The following KIF2C variants were observed in gnomAD, a reference collection of about 807,000 sequenced individuals.
KIF2C encodes the protein kinesin family member 2C, also known as kinesin-like protein KIF2C.
In KIF2C, 34 loss-of-function variants were observed where a neutral mutation model predicts 97.4. The observed-to-expected ratio is 0.35, with a 90% CI of 0.27 to 0.46. The LOEUF is 0.46. KIF2C is among the 20% of genes least tolerant of loss of function. The pLI is 1.00. For synonymous variants in KIF2C, 313 were observed against 318.2 expected (o/e 0.98, Z 0.17); for missense variants, 750 against 907.6 (o/e 0.83, Z 2.23).
At chr1:44,766,410 G>A (rs904004528) in intron 19 of KIF2C, among the ~76,000 whole-genome samples, 40 of 151,998 alleles carry the variant, frequency 2.6e-4, no homozygotes, top group African/African-American at 9.4e-4. Context: ...TCGAGAGTTC[G>A]AGATCAGCCT....
Position 44,767,295 on chromosome 1 carries a change from A to G in KIF2C, c.*116A>G, listed in dbSNP as rs575741072. On this transcript the variant is annotated 3_prime_UTR_variant, in exon 21 of 21. Coordinates refer to ENST00000372224, the MANE Select transcript of KIF2C (RefSeq NM_006845.4). ...GGTCTGAGCTGGGACAGGTTCTGGTAAATGCCAAGTATGGGGGCATCTGGG... is the reference window on the plus strand; with the variant it reads ...GGTCTGAGCTGGGACAGGTTCTGGTGAATGCCAAGTATGGGGGCATCTGGG... 6 of 848,990 alleles carry G rather than the reference A, an allele frequency of 7.1e-6. No individual in the cohort carries two copies. Among genetic ancestry groups the G allele is most frequent in the Non-Finnish European group, 1.1e-5 (6 of 527,386 alleles). 52.6% of individuals were successfully genotyped at this position (848,990 alleles called of 1,614,324 possible).
intron 13 of KIF2C, 109 bp downstream of exon 13, chr1:44,758,249 A>G (rs1275865384): frequency 1.1e-6 from 1 of 877,906 alleles, no homozygotes; most frequent in Non-Finnish European, 1.8e-6. Flanking sequence ...TTAGCTGTCA[A>G]GCCACTGATG....
In KIF2C at chr1:44,756,183, C is replaced by T. The variant is rs757001275; in HGVS notation, c.923C>T (p.Ala308Val). 3.7e-6 allele frequency: 6 copies of T among 1,614,234 alleles called. No homozygotes were observed. The highest frequency in any genetic ancestry group is 5.1e-6 in the Non-Finnish European group (6 of 1,180,028). The part of the protein sequence containing the change: ...VDLTKYLENQ[A>V]FCFDFAFDET... Reference sequence around the variant, plus strand: ...TTAACAAAGTATCTGGAGAACCAAGCATTCTGCTTTGACTTTGCATTTGAT... The same window carrying T: ...TTAACAAAGTATCTGGAGAACCAAGTATTCTGCTTTGACTTTGCATTTGAT... Residue 308 changes from alanine to valine, a missense_variant, in exon 10 of 21, where the codon GCA (alanine) becomes GTA (valine). Physicochemically the swap from Ala to Val is moderately conservative, Grantham distance 64. Transcript: ENST00000372224.
At chr1:44,748,666 A>G (rs1282101051) in intron 4 of KIF2C, among the ~76,000 whole-genome samples, 5 of 150,834 alleles carry the variant, frequency 3.3e-5, no homozygotes, top group African/African-American at 4.9e-5. Flanking sequence ...TCAGCCTCCC[A>G]TGTAGCTGGG....
chr1:44,766,981 G>A, intron 20 of KIF2C, 32 bp downstream of exon 20: 5 of 1,613,512 alleles, frequency 3.1e-6, no homozygotes, highest in Non-Finnish European at 4.2e-6. Flanking sequence ...GCAGGTGGAC[G>A]ATGGTGGCCT....
At chr1:44,756,878 C>T (rs1649871040) in intron 10 of KIF2C, among the ~76,000 whole-genome samples, 1 of 151,012 alleles carries the variant, frequency 6.6e-6, no homozygotes, top group Non-Finnish European at 1.5e-5. Flanking sequence ...TAATACAGCA[C>T]CCAGTACCCT....
chr1:44,757,461 G>A, intron 10 of KIF2C, 95 bp from the exon 11 acceptor site: 1 of 804,176 alleles, frequency 1.2e-6, no homozygotes, highest in Admixed American at 1.9e-5. Context: ...TTAGAAGGAG[G>A]AATCGACCCT....
At chr1:44,750,624 C>G (rs760911788) in intron 5 of KIF2C, 60 bp downstream of exon 5, 22 of 1,394,916 alleles carry the variant, frequency 1.6e-5, no homozygotes, top group Admixed American at 2.4e-5. Context: ...ATTGCTTGGT[C>G]CCTGTGCTAG....
chr1:44,764,215 A>G (rs1042815720), intron 19 of KIF2C, among the ~76,000 whole-genome samples: 9 of 152,006 alleles, frequency 5.9e-5, no homozygotes, highest in African/African-American at 2.2e-4. Flanking sequence ...CTCACTCGTC[A>G]CCCAGGCTGG....
rs547590594 is a variant in KIF2C at position 44,767,589 on chromosome 1, C to T, written c.*410C>T. 41 of 181,226 alleles carry T rather than the reference C, an allele frequency of 2.3e-4. No individual in the cohort carries two copies. Among genetic ancestry groups the T allele is most frequent in the African/African-American group, 9.2e-4 (39 of 42,456 alleles). The allele number at this position is 181,226 out of a possible 1,614,324, so 11.2% of individuals were successfully genotyped here. A position where few individuals can be genotyped will look rare whatever the true frequency, so the allele number is the denominator to read the frequency against. On this transcript the variant is annotated 3_prime_UTR_variant, in exon 21 of 21. Coordinates refer to ENST00000372224, the MANE Select transcript of KIF2C (RefSeq NM_006845.4). ...CTATCTGCTGGCTCTAAACCTTCTA[C>T]GCCTTTGGGCCGAGCACTGAATGTC...
chr1:44,753,957 T>A (rs1464538924), intron 7 of KIF2C, 124 bp downstream of exon 7: 2 of 292,188 alleles, frequency 6.8e-6, no homozygotes, highest in Non-Finnish European at 6.4e-6. Context: ...AGGCCCCAAT[T>A]CTTTTTTTTT....
At chr1:44,747,319 A>T in intron 2 of KIF2C, 65 bp from the exon 3 acceptor site, 1 of 1,410,646 alleles carries the variant, frequency 7.1e-7, no homozygotes, top group Non-Finnish European at 9.8e-7. Context: ...AAAAAAAAAA[A>T]AAAGAAAAAA....
In KIF2C at chr1:44,757,644, C is replaced by T. The variant is rs765241322; in HGVS notation, c.1066C>T (p.His356Tyr). ...AYGQTGSGKTHTMGGDLSGKA... is the reference protein window; with the variant it reads ...AYGQTGSGKTYTMGGDLSGKA... ...TGGCCAGACAGGAAGTGGCAAGACACATGTGAGTATTGAGGCCTGGCGGGG... is the reference window on the plus strand; with the variant it reads ...TGGCCAGACAGGAAGTGGCAAGACATATGTGAGTATTGAGGCCTGGCGGGG... The change falls in exon 11 of 21, where the codon CAT becomes TAT. Residue 356 changes from histidine (H) to tyrosine (Y), a missense_variant and splice_region_variant. Coordinates refer to ENST00000372224, the MANE Select transcript of KIF2C (RefSeq NM_006845.4). 6.8e-6 allele frequency: 11 copies of T among 1,606,988 alleles called. No homozygotes were observed. Among genetic ancestry groups the T allele is most frequent in the Non-Finnish European group, 9.4e-6 (11 of 1,173,514 alleles).
Position 44,756,214 on chromosome 1 carries a change from A to G in KIF2C, c.954A>G (p.Thr318=). The G allele has an allele frequency of 1.2e-6, 2 of 1,614,244 alleles. No homozygotes were observed. The highest frequency in any genetic ancestry group is 1.1e-5 in the South Asian group (1 of 91,088). ...AFCFDFAFDE[T]ASNEVVYRFT... The stretch of plus-strand genomic sequence containing the variant: ...GCTTTGACTTTGCATTTGATGAAAC[A>G]GCTTCGAATGAAGTTGTCTACAGGT... Residue 318 remains threonine (T), a synonymous_variant, in exon 10 of 21, where the codon ACA becomes ACG. Transcript: ENST00000372224.
rs533024792 is a variant in KIF2C, at chr1:44,747,563, C to A, written c.267+78C>A. Reference sequence around the variant, plus strand: ...TATTGACTCTTTGCTGATTGATTGTCTGGCATTTTAGCATAGTACATGGGC... The same window carrying A: ...TATTGACTCTTTGCTGATTGATTGTATGGCATTTTAGCATAGTACATGGGC... On this transcript the variant is annotated intron_variant, in intron 3 of 20. Transcript: ENST00000372224. The A allele has an allele frequency of 1.9e-4, 302 of 1,567,848 alleles. 1 individual carries two copies. Among genetic ancestry groups the A allele is most frequent in the Non-Finnish European group, 2.5e-4 (285 of 1,146,264 alleles).
chr1:44,742,735 AAAC>A (rs1229808814), intron 2 of KIF2C, among the ~76,000 whole-genome samples: 17 of 151,480 alleles, frequency 1.1e-4, no homozygotes, highest in Non-Finnish European at 2.4e-4. Context: ...AAAAAAAAAA[AAAC>A]AAACTGCACA....
At chr1:44,752,763 G>A (rs1649596314) in intron 5 of KIF2C, among the ~76,000 whole-genome samples, 1 of 152,068 alleles carries the variant, frequency 6.6e-6, no homozygotes, top group Admixed American at 6.6e-5. Context: ...TAACCACCTG[G>A]GTTCCTGAGG....
At chr1:44,762,719 C>T (rs1309995274) in intron 19 of KIF2C, 61 bp downstream of exon 19, 1 of 1,085,586 alleles carries the variant, frequency 9.2e-7, no homozygotes, top group Non-Finnish European at 1.4e-6. Context: ...TGCTCCACAC[C>T]ATTCCCAGAA....
rs991282355 is a variant in KIF2C at position 44,740,134 on chromosome 1, C to G, written c.70+132C>G. 6.5e-6 allele frequency: 7 copies of G among 1,079,388 alleles called. No individual in the cohort carries two copies. The South Asian group carries it at 8.9e-5, about 14-fold the overall frequency. The allele number at this position is 1,079,388 out of a possible 1,614,324, so 66.9% of individuals were successfully genotyped here. A position where few individuals can be genotyped will look rare whatever the true frequency, so the allele number is the denominator to read the frequency against. ...TCCCTCCTTTTCACACGCACTCACT[C>G]CGGGTCTCTGCACTGGCAGTCATTC... On this transcript the variant is annotated intron_variant, in intron 1 of 20. Coordinates refer to ENST00000372224, the MANE Select transcript of KIF2C (RefSeq NM_006845.4).
Sources: allele counts gnomAD v4.1 joint callset (sites outside exome capture counted in the v4.1 genomes callset), GRCh38; gene constraint gnomAD v4.1.1; transcripts MANE v1.5; gene names NCBI Gene and HGNC (gene_info 2026-07-23, HGNC 2026-07-21).